DDC: variants seen among roughly 807,000 people sequenced by gnomAD.
The protein encoded by DDC is dopa decarboxylase, also known as aromatic-L-amino-acid decarboxylase.
A neutral mutation model predicts 60.0 loss-of-function variants in DDC; 43 were observed. The ratio of observed to expected loss-of-function variants is 0.72; its 90% CI spans 0.56 to 0.92. DDC has a LOEUF of 0.92. Among genes scored for constraint, DDC ranks in the 40% least tolerant of loss-of-function variants. The pLI, the probability that DDC is intolerant of heterozygous loss-of-function variation, is 0.00. For missense variants in DDC, 573 were observed against 620.2 expected (o/e 0.92, Z 0.81); for synonymous variants, 232 against 234.6 (o/e 0.99, Z 0.10).
At chr7:50,475,495 C>T (rs2153535327) in intron 11 of DDC, among the ~76,000 whole-genome samples, 1 of 152,166 alleles carries the variant, frequency 6.6e-6, no homozygotes, top group South Asian at 2.1e-4. Flanking sequence ...TTACTGCTGC[C>T]CCCCTGCCTC....
chr7:50,548,874 G>A (rs1431669706), intron 1 of DDC, among the ~76,000 whole-genome samples: 7 of 152,194 alleles, frequency 4.6e-5, no homozygotes, highest in Non-Finnish European at 1.0e-4. Context: ...TCAAAGTACA[G>A]GCTGACTCTC....
chr7:50,524,848 T>C (rs6952023), intron 6 of DDC, among the ~76,000 whole-genome samples: 110,669 of 152,112 alleles, frequency 0.73, 40,558 homozygotes, highest in East Asian at 0.8. Context: ...GAAATGAAAG[T>C]ATATGTCCAC....
chr7:50,523,382 A>T (rs1444855147), intron 6 of DDC, among the ~76,000 whole-genome samples: 1 of 152,178 alleles, frequency 6.6e-6, no homozygotes, highest in Non-Finnish European at 1.5e-5. Context: ...GGATGAAATG[A>T]CAAGCTAAAG....
chr7:50,561,937 C>T (rs143679553), intron 1 of DDC, among the ~76,000 whole-genome samples: 3 of 151,982 alleles, frequency 2.0e-5, no homozygotes, highest in Non-Finnish European at 2.9e-5. Context: ...ACACTACACA[C>T]GTACAATAGC....
chr7:50,522,060 A>G (rs2043906508), intron 6 of DDC, among the ~76,000 whole-genome samples: 1 of 152,212 alleles, frequency 6.6e-6, no homozygotes, highest in Non-Finnish European at 1.5e-5. Context: ...CTCTCCCAGA[A>G]CTAAGTAAAC....
intron 6 of DDC, among the ~76,000 whole-genome samples, chr7:50,515,045 A>C (rs1332708313): frequency 6.6e-6 from 1 of 152,174 alleles, no homozygotes; most frequent in African/African-American, 2.4e-5. Context: ...CAGCCATCCA[A>C]ATACAAGAAG....
chr7:50,462,335 G>T (rs1002243283), intron 14 of DDC, among the ~76,000 whole-genome samples: 4 of 151,898 alleles, frequency 2.6e-5, no homozygotes, highest in Non-Finnish European at 5.9e-5. Context: ...GGTTGTCTAG[G>T]TTCCCACAAA....
Position 50,504,040 on chromosome 7 carries a change from G to A in DDC, c.734C>T (p.Thr245Ile). Residue 245 changes from threonine to isoleucine, a missense_variant, in exon 7 of 15, where the codon ACC becomes ATC. Thr to Ile is a moderately conservative substitution (Grantham distance 89). Transcript: ENST00000444124. Reference protein sequence around the residue: ...IPFFMVATLGTTTCCSFDNLL... With the variant: ...IPFFMVATLGITTCCSFDNLL... ...ATTGTCAAAGGAGCAGCATGTTGTG[G>A]TCCCCAGGGTGGCAACCATCTAGAG... The A allele has an allele frequency of 1.2e-6, 2 of 1,613,764 alleles. No individual in the cohort carries two copies. The highest frequency in any genetic ancestry group is 8.5e-7 in the Non-Finnish European group (1 of 1,179,650).
Position 50,479,820 on chromosome 7 carries a change from G to T in DDC, c.988C>A (p.Pro330Thr), listed in dbSNP as rs1316356550. 6.2e-7 allele frequency: 1 copy of T among 1,613,706 alleles called. No homozygotes were observed. The highest frequency in any genetic ancestry group is 1.7e-5 in the Admixed American group (1 of 60,016). ...TGATGGCTGTGCTTCAGGTAAGTGG[G>T]GTCCAGTCTAAAGGCTCCCGTTAAG... ...TDLTGAFRLD[P>T]TYLKHSHQDS... The change falls in exon 10 of 15, where the codon CCC (proline) becomes ACC (threonine). Residue 330 changes from proline (P) to threonine (T), a missense_variant. Transcript: ENST00000444124.
At chr7:50,463,111 A>G in intron 14 of DDC, 102 bp downstream of exon 14, 8 of 920,612 alleles carry the variant, frequency 8.7e-6, no homozygotes, top group South Asian at 8.6e-5. Context: ...CTCTGGCAGC[A>G]TTGAGTGGCC....
intron 4 of DDC, among the ~76,000 whole-genome samples, chr7:50,533,541 C>T (rs113787033): frequency 4.6e-5 from 7 of 152,306 alleles, no homozygotes; most frequent in African/African-American, 1.2e-4. Context: ...ATGATCCACC[C>T]GCCTTGGCCT....
chr7:50,564,696 G>C (rs550931447), intron 1 of DDC, among the ~76,000 whole-genome samples: 2 of 152,182 alleles, frequency 1.3e-5, no homozygotes, highest in East Asian at 3.8e-4. Flanking sequence ...GATGGGAATT[G>C]TACTCAGCAT....
intron 11 of DDC, among the ~76,000 whole-genome samples, chr7:50,471,579 T>C (rs1218846649): frequency 6.6e-6 from 1 of 152,128 alleles, no homozygotes; most frequent in Non-Finnish European, 1.5e-5. Flanking sequence ...CTGCCCGGTG[T>C]GTTGACACAT....
intron 6 of DDC, among the ~76,000 whole-genome samples, chr7:50,523,697 C>A (rs12671474): frequency 0.22 from 33,438 of 152,004 alleles, 3,815 homozygotes; most frequent in East Asian, 0.4. Context: ...TATTGGAAAA[C>A]CTACACTAAC....
chr7:50,493,843 C>T (rs1327782072), intron 9 of DDC, among the ~76,000 whole-genome samples: 3 of 151,322 alleles, frequency 2.0e-5, no homozygotes, highest in Non-Finnish European at 4.4e-5. Context: ...AAAGGTCAAA[C>T]GGGTATTTTG....
intron 1 of DDC, among the ~76,000 whole-genome samples, chr7:50,551,265 C>T (rs1490187081): frequency 1.4e-5 from 2 of 146,128 alleles, no homozygotes; most frequent in East Asian, 2.0e-4. Context: ...GGGCCTCACT[C>T]TGTCGCCTAG....
chr7:50,524,257 C>G (rs1585228957), intron 6 of DDC, among the ~76,000 whole-genome samples: 1 of 152,116 alleles, frequency 6.6e-6, no homozygotes. Context: ...TCATTATACA[C>G]TTGTTAAAAC....
chr7:50,523,806 T>C (rs2043964543), intron 6 of DDC, among the ~76,000 whole-genome samples: 1 of 152,250 alleles, frequency 6.6e-6, no homozygotes, highest in African/African-American at 2.4e-5. Context: ...GATCCAGCAA[T>C]TGTGATCCTT....
intron 4 of DDC, among the ~76,000 whole-genome samples, chr7:50,534,428 C>G (rs2044321069): frequency 6.6e-6 from 1 of 152,142 alleles, no homozygotes; most frequent in Admixed American, 6.5e-5. Context: ...AAAACCCTGT[C>G]TCTACTACAA....
Sources: gnomAD v4.1 joint callset for allele counts (sites outside exome capture counted in the v4.1 genomes callset) on GRCh38, gnomAD v4.1.1 for gene constraint, MANE v1.5 for transcripts, NCBI Gene and HGNC (gene_info 2026-07-23, HGNC 2026-07-21) for gene names.